GNPAT: variants seen among roughly 807,000 people sequenced by gnomAD.
GNPAT encodes dihydroxyacetone phosphate acyltransferase.
Under a neutral mutation model 78.4 loss-of-function variants are expected in GNPAT, and 30 were observed. That is an observed-to-expected ratio of 0.38 (90% confidence interval 0.29 to 0.52). The LOEUF (loss-of-function observed/expected upper bound fraction) is 0.52. GNPAT is among the 20% of genes least tolerant of loss of function. The pLI, the probability that GNPAT is intolerant of heterozygous loss-of-function variation, is 0.84. For missense variants in GNPAT, 714 were observed against 812.2 expected, an observed-to-expected ratio of 0.88 and a Z score of 1.47; for synonymous variants, 271 against 281.1, an observed-to-expected ratio of 0.96 and a Z score of 0.36.
Position 231,267,798 on chromosome 1 carries a change from G to C in GNPAT, c.1174G>C (p.Val392Leu). Reference protein sequence around the residue: ...VLSPWTLIVAVLLQNRPSMDF... With the variant: ...VLSPWTLIVALLLQNRPSMDF... ...GAGCCCCTGGACCCTAATAGTTGCT[G>C]TTCTGCTTCAGAACCGGCCATCCAT... Residue 392 changes from valine (V) to leucine (L), a missense_variant, in exon 9 of 16, where the codon GTT becomes CTT. By Grantham distance (32) the Val-to-Leu change is conservative (BLOSUM62 1). Transcript: ENST00000366647. 2 of 1,613,572 alleles carry C rather than the reference G, an allele frequency of 1.2e-6. No homozygotes were observed. Among genetic ancestry groups the C allele is most frequent in the Non-Finnish European group, 1.7e-6 (2 of 1,179,468 alleles).
At chr1:231,244,429 G>T (rs1684695258) in intron 1 of GNPAT, among the ~76,000 whole-genome samples, 1 of 152,170 alleles carries the variant, frequency 6.6e-6, no homozygotes, top group African/African-American at 2.4e-5. Flanking sequence ...TCATCCTTTG[G>T]AACCATTTGA....
At chr1:231,241,531 C>T (rs1684605005) in intron 1 of GNPAT, 75 bp downstream of exon 1, 1 of 1,089,814 alleles carries the variant, frequency 9.2e-7, no homozygotes, top group Non-Finnish European at 1.4e-6. Flanking sequence ...CCCTATTCCT[C>T]CGGCCCACCA....
intron 3 of GNPAT, among the ~76,000 whole-genome samples, chr1:231,262,031 C>G (rs185690472): frequency 6.6e-5 from 10 of 152,278 alleles, no homozygotes; most frequent in African/African-American, 2.4e-4. Context: ...GCCTCTGTTA[C>G]ATTTAGATTT....
chr1:231,244,927 T>C (rs1684709291), intron 1 of GNPAT, among the ~76,000 whole-genome samples: 1 of 152,210 alleles, frequency 6.6e-6, no homozygotes, highest in African/African-American at 2.4e-5. Flanking sequence ...CACAAGACTG[T>C]ACATGATCTC....
rs1409777211 is a variant in GNPAT, at chr1:231,250,837, ACT to A, written c.79-121_79-120del. On this transcript the variant is annotated intron_variant, in intron 1 of 15. Coordinates refer to ENST00000366647, the MANE Select transcript of GNPAT (RefSeq NM_014236.4). ...CTATATGAAAATCTAACATCAGAAC[ACT>A]CTGCTCCTGTTCACGTCATAGAGTA... is the stretch of plus-strand genomic sequence containing the variant. The A allele has an allele frequency of 1.8e-5, 12 of 681,106 alleles. 1 individual carries two copies. The highest frequency in any genetic ancestry group is 1.7e-4 in the Admixed American group (8 of 46,918). 42.2% of individuals were successfully genotyped at this position (681,106 alleles called of 1,614,324 possible).
At position 231,241,470 on chromosome 1, in the gene GNPAT, G is replaced by A; in HGVS notation, c.78+14G>A. ...CTCCTCTACTCGGTAGGCGCCCAGG[G>A]AAAAGAGGCCCAGAGCGGAGCCGCG... On this transcript the variant is annotated intron_variant, in intron 1 of 15. Transcript: ENST00000366647. 1.3e-6 allele frequency: 2 copies of A among 1,590,424 alleles called. No individual in the cohort carries two copies. The highest frequency in any genetic ancestry group is 1.7e-6 in the Non-Finnish European group (2 of 1,158,872).
Position 231,262,618 on chromosome 1 carries a change from G to A in GNPAT, c.439-105G>A, listed in dbSNP as rs1685251826. ...TGGCAAAAAGGCAGAAAAAGAGGATGGGTATTCCCTCTAAATATAGACTTA... is the reference window on the plus strand; with the variant it reads ...TGGCAAAAAGGCAGAAAAAGAGGATAGGTATTCCCTCTAAATATAGACTTA... On this transcript the variant is annotated intron_variant, in intron 3 of 15. Transcript: ENST00000366647. 4.5e-6 allele frequency: 4 copies of A among 887,332 alleles called. No homozygotes were observed. In the Admixed American group the frequency reaches 5.2e-5, roughly 12 times the overall value. 55.0% of individuals were successfully genotyped at this position (887,332 alleles called of 1,614,324 possible).
Position 231,262,862 on chromosome 1 carries a change from G to A in GNPAT, c.568+10G>A, listed in dbSNP as rs1348779166. 1.2e-6 allele frequency: 2 copies of A among 1,607,070 alleles called. No individual in the cohort carries two copies. Among genetic ancestry groups the A allele is most frequent in the South Asian group, 1.1e-5 (1 of 90,936 alleles). Reference sequence around the variant, plus strand: ...ATAGCAGCAGGAATGGGTATGTATTGTTTTTCTGTTTTTTTAACTGTAAAA... The same window carrying A: ...ATAGCAGCAGGAATGGGTATGTATTATTTTTCTGTTTTTTTAACTGTAAAA... On this transcript the variant is annotated intron_variant, in intron 4 of 15. Transcript: ENST00000366647.
At position 231,262,906 on chromosome 1, in the gene GNPAT, A is replaced by G. The variant is rs948891148; in HGVS notation, c.568+54A>G. 1.5e-5 allele frequency: 20 copies of G among 1,355,938 alleles called. No individual in the cohort carries two copies. The Admixed American group carries it at 3.4e-4, about 23-fold the overall frequency. 84.0% of individuals were successfully genotyped at this position (1,355,938 alleles called of 1,614,324 possible). On this transcript the variant is annotated intron_variant, in intron 4 of 15. Transcript: ENST00000366647. ...TGTAAAAATTAAAAAGTTCACTGGC[A>G]TATTCTAGCAGTACTGAGGTATTTG... is the stretch of plus-strand genomic sequence containing the variant.
At chr1:231,266,222 A>G (rs1389359203) in intron 7 of GNPAT, 55 bp from the exon 8 acceptor site, 3 of 1,613,022 alleles carry the variant, frequency 1.9e-6, no homozygotes, top group African/African-American at 2.7e-5. Flanking sequence ...CACATCAACT[A>G]ATTTCTAAAT....
chr1:231,264,089 G>T (rs1685304195), intron 4 of GNPAT, among the ~76,000 whole-genome samples: 1 of 152,120 alleles, frequency 6.6e-6, no homozygotes, highest in Non-Finnish European at 1.5e-5. Flanking sequence ...GTTTTTAATT[G>T]ATGTAGTCCA....
At position 231,270,954 on chromosome 1, in the gene GNPAT, A is replaced by G. The variant is rs113006651; in HGVS notation, c.1476A>G (p.Pro492=). The G allele has an allele frequency of 2.1e-5, 34 of 1,614,086 alleles. No homozygotes were observed. The African/African-American group carries it at 2.5e-4, about 12-fold the overall frequency. The change falls in exon 10 of 16, where the codon CCA becomes CCG. Residue 492 remains proline (P), a synonymous_variant. Transcript: ENST00000366647. ...AGCTGCTCAACATTTTTGTGCGCCC[A>G]TCCTTAGTAGCAGTAGCATTGCAGA... ...RNQLLNIFVR[P]SLVAVALQMT... is the part of the protein sequence containing the mutation.
intron 4 of GNPAT, among the ~76,000 whole-genome samples, chr1:231,263,770 T>C (rs577823406): frequency 1.3e-5 from 2 of 152,192 alleles, no homozygotes; most frequent in Non-Finnish European, 2.9e-5. Flanking sequence ...TTTTCTGATA[T>C]GTTTTATAAT....
At chr1:231,272,166 G>A (rs1337202836) in intron 10 of GNPAT, 146 bp from the exon 11 acceptor site, 1 of 631,014 alleles carries the variant, frequency 1.6e-6, no homozygotes, top group East Asian at 3.2e-5. Context: ...GTTTAATTTA[G>A]CTTCCCTCAG....
chr1:231,256,733 G>A (rs868556932), intron 2 of GNPAT, among the ~76,000 whole-genome samples: 15 of 152,068 alleles, frequency 9.9e-5, no homozygotes, highest in South Asian at 4.1e-4. Context: ...TGATCCGCCC[G>A]CCTCGGCCTC....
intron 8 of GNPAT, among the ~76,000 whole-genome samples, 186 bp downstream of exon 8, chr1:231,266,593 C>T (rs1007740600): frequency 1.1e-4 from 17 of 151,960 alleles, no homozygotes; most frequent in Non-Finnish European, 4.4e-5. Context: ...ATGTGTTTGT[C>T]CCAAAAAAAG....
At position 231,261,114 on chromosome 1, in the gene GNPAT, A is replaced by G. The variant is rs1015298622; in HGVS notation, c.438+431A>G. Among the ~76,000 whole-genome samples the G allele has an allele frequency of 1.1e-4, 16 of 152,322 alleles. No homozygotes were observed. The East Asian group carries it at 1.9e-3, about 18-fold the overall frequency. ...GCATTATCTTATGGTACAAGTATCAAAATAAGGAAATTAACATTGAACAAA... is the reference window on the plus strand; with the variant it reads ...GCATTATCTTATGGTACAAGTATCAGAATAAGGAAATTAACATTGAACAAA... On this transcript the variant is annotated intron_variant, in intron 3 of 15. Coordinates refer to ENST00000366647, the MANE Select transcript of GNPAT (RefSeq NM_014236.4).
rs1571962654 is a variant in GNPAT at position 231,277,711 on chromosome 1, T to C, written c.*169T>C. On this transcript the variant is annotated 3_prime_UTR_variant, in exon 16 of 16. Coordinates refer to ENST00000366647, the MANE Select transcript of GNPAT (RefSeq NM_014236.4). ...TGATCATTGGAAGCAATCAGTTTAC[T>C]CTTCCCCACCACAGTGGTTAAAAGG... The C allele has an allele frequency of 1.6e-6, 1 of 628,806 alleles. No individual in the cohort carries two copies. The highest frequency in any genetic ancestry group is 1.8e-5 in the South Asian group (1 of 55,042). The allele number at this position is 628,806 out of a possible 1,614,324, so 39.0% of individuals were successfully genotyped here.
chr1:231,249,361 T>A (rs1269821668), intron 1 of GNPAT, among the ~76,000 whole-genome samples: 1 of 152,246 alleles, frequency 6.6e-6, no homozygotes, highest in Non-Finnish European at 1.5e-5. Flanking sequence ...TATAAACTCC[T>A]CATAAATGCT....
Sources: allele counts gnomAD v4.1 joint callset (sites outside exome capture counted in the v4.1 genomes callset), GRCh38; gene constraint gnomAD v4.1.1; transcripts MANE v1.5; gene names NCBI Gene and HGNC (gene_info 2026-07-23, HGNC 2026-07-21).